The following TYR variants were observed in gnomAD, a reference collection of about 807,000 sequenced individuals.
TYR encodes the protein tyrosinase.
TYR carries 58 observed loss-of-function variants against 51.5 expected under a neutral mutation model. The ratio of observed to expected loss-of-function variants is 1.13; its 90% CI spans 0.91 to 1.40. TYR has a LOEUF of 1.40. TYR is among the 40% of genes most tolerant of loss of function. TYR has a pLI of 0.00. For missense variants in TYR, 732 were observed against 647.4 expected, an observed-to-expected ratio of 1.13 and a Z score of -1.42; for synonymous variants, 263 against 235.2, an observed-to-expected ratio of 1.12 and a Z score of -1.08.
At chr11:89,209,873 G>T (rs1197005153) in intron 2 of TYR, among the ~76,000 whole-genome samples, 1 of 152,170 alleles carries the variant, frequency 6.6e-6, no homozygotes, top group East Asian at 1.9e-4. Flanking sequence ...CAGCTCAGGG[G>T]CCTGTCTGTT....
chr11:89,256,467 A>ATGTG lies in TYR; in HGVS notation c.1185-28290_1185-28287dup, dbSNP rs5793398. Among the ~76,000 whole-genome samples, 6 of 149,590 alleles carry ATGTG rather than the reference A, an allele frequency of 4.0e-5. No individual in the cohort carries two copies. In the South Asian group the frequency reaches 8.4e-4, roughly 21 times the overall value. The stretch of plus-strand genomic sequence containing the variant: ...GAGGTATGTGTGTGTACTTGTGTAT[A>ATGTG]TGTGTGTGTGTGTGTGTGTATATGT... On this transcript the variant is annotated intron_variant, in intron 3 of 4. Transcript: ENST00000263321.
At chr11:89,267,082 C>T (rs1338806607) in intron 3 of TYR, among the ~76,000 whole-genome samples, 1 of 151,756 alleles carries the variant, frequency 6.6e-6, no homozygotes, top group African/African-American at 2.4e-5. Flanking sequence ...TGAAATCTAC[C>T]ACAGTTGGGG....
At chr11:89,259,935 A>G (rs592486) in intron 3 of TYR, among the ~76,000 whole-genome samples, 2,399 of 152,150 alleles carry the variant, frequency 0.016, 64 homozygotes, top group African/African-American at 0.055. Context: ...TAAGAACCAG[A>G]TTGGTTCTTA....
intron 2 of TYR, among the ~76,000 whole-genome samples, chr11:89,201,610 C>T (rs1943599901): frequency 6.6e-6 from 1 of 152,194 alleles, no homozygotes; most frequent in African/African-American, 2.4e-5. Flanking sequence ...ATAATAATTA[C>T]AGTACACTTG....
At chr11:89,246,782 A>G (rs1205993132) in intron 3 of TYR, among the ~76,000 whole-genome samples, 1 of 152,050 alleles carries the variant, frequency 6.6e-6, no homozygotes, top group African/African-American at 2.4e-5. Context: ...GCAGCCCAGA[A>G]ACAGTCCAAC....
intron 3 of TYR, among the ~76,000 whole-genome samples, chr11:89,261,807 A>G (rs1045776595): frequency 2.0e-5 from 3 of 152,114 alleles, no homozygotes; most frequent in Non-Finnish European, 4.4e-5. Flanking sequence ...AGACCATAAA[A>G]CAAGTCTCAA....
chr11:89,295,229 G>C lies in TYR; in HGVS notation c.1453G>C (p.Gly485Arg), dbSNP rs768206729. The C allele has an allele frequency of 6.8e-6, 11 of 1,614,010 alleles. No homozygotes were observed. The South Asian group carries it at 1.2e-4, about 18-fold the overall frequency. ...WSWLLGAAMV[G>R]AVLTALLAGL... ...ATGGCTCCTTGGGGCGGCGATGGTA[G>C]GGGCCGTCCTCACTGCCCTGCTGGC... Residue 485 changes from glycine (G) to arginine (R), a missense_variant, in exon 5 of 5, where the codon GGG becomes CGG. Physicochemically the swap from Gly to Arg is moderately radical, Grantham distance 125. Coordinates refer to ENST00000263321, the MANE Select transcript of TYR (RefSeq NM_000372.5).
intron 3 of TYR, among the ~76,000 whole-genome samples, chr11:89,276,419 G>A (rs1398723622): frequency 1.3e-5 from 2 of 151,836 alleles, no homozygotes; most frequent in African/African-American, 4.8e-5. Context: ...GAACACTAAA[G>A]TGTCAGAGAA....
At chr11:89,237,523 G>T (rs1944133208) in intron 3 of TYR, among the ~76,000 whole-genome samples, 1 of 152,054 alleles carries the variant, frequency 6.6e-6, no homozygotes, top group South Asian at 2.1e-4. Context: ...TTATTTCTGG[G>T]ATGTCTATTC....
At chr11:89,204,128 G>A (rs191024589) in intron 2 of TYR, among the ~76,000 whole-genome samples, 82 of 152,242 alleles carry the variant, frequency 5.4e-4, no homozygotes, top group African/African-American at 1.9e-3. Context: ...CTTCCCTTCT[G>A]GATTGTTGTC....
intron 1 of TYR, among the ~76,000 whole-genome samples, chr11:89,182,481 G>T (rs1420928269): frequency 6.6e-6 from 1 of 152,090 alleles, no homozygotes; most frequent in Admixed American, 6.6e-5. Context: ...CTGCGTGTGT[G>T]CATGCAAAGA....
chr11:89,183,361 C>A (rs1028251327), intron 1 of TYR, among the ~76,000 whole-genome samples: 1 of 151,986 alleles, frequency 6.6e-6, no homozygotes, highest in African/African-American at 2.4e-5. Context: ...TCTACCCCTG[C>A]CATTTAGTAG....
At position 89,213,628 on chromosome 11, in the gene TYR, A is replaced by G. The variant is rs141096599; in HGVS notation, c.1037-14195A>G. Among the ~76,000 whole-genome samples the G allele has an allele frequency of 9.8e-5, 15 of 152,288 alleles. 1 individual carries two copies. The East Asian group carries it at 2.3e-3, about 24-fold the overall frequency. ...GAACCAAAAAGAGCCTGCATATCCA[A>G]GACAATTAATTCTAAGCAAAAAAGA... is the stretch of plus-strand genomic sequence containing the variant. On this transcript the variant is annotated intron_variant, in intron 2 of 4. Transcript: ENST00000263321.
At chr11:89,260,788 A>T (rs2135306884) in intron 3 of TYR, among the ~76,000 whole-genome samples, 1 of 152,286 alleles carries the variant, frequency 6.6e-6, no homozygotes, top group East Asian at 1.9e-4. Context: ...ATAACAGCAT[A>T]AAAATGAGAG....
chr11:89,242,998 G>A (rs1213474451), intron 3 of TYR, among the ~76,000 whole-genome samples: 9 of 152,176 alleles, frequency 5.9e-5, no homozygotes, highest in Admixed American at 2.0e-4. Flanking sequence ...TTGTCAGCGT[G>A]TTGGAAGTAT....
chr11:89,291,989 T>C (rs535474211), intron 4 of TYR, among the ~76,000 whole-genome samples: 9 of 152,188 alleles, frequency 5.9e-5, no homozygotes, highest in Non-Finnish European at 1.2e-4. Flanking sequence ...CCAAATAGTA[T>C]GCTATGATTA....
intron 4 of TYR, among the ~76,000 whole-genome samples, chr11:89,290,037 C>A (rs1381866329): frequency 6.6e-6 from 1 of 151,870 alleles, no homozygotes; most frequent in Non-Finnish European, 1.5e-5. Flanking sequence ...AGTAATGGCC[C>A]CTAACTACTT....
chr11:89,247,501 C>A (rs1251715749), intron 3 of TYR, among the ~76,000 whole-genome samples: 2 of 152,092 alleles, frequency 1.3e-5, no homozygotes, highest in African/African-American at 2.4e-5. Flanking sequence ...AATGTAGCTG[C>A]TCTTTGTAGG....
At chr11:89,266,363 T>C (rs1944525950) in intron 3 of TYR, among the ~76,000 whole-genome samples, 1 of 151,998 alleles carries the variant, frequency 6.6e-6, no homozygotes, top group Non-Finnish European at 1.5e-5. Context: ...ATAGAGAATT[T>C]TGCTTCTTTT....
Sources: gnomAD v4.1 joint callset for allele counts (sites outside exome capture counted in the v4.1 genomes callset) on GRCh38, gnomAD v4.1.1 for gene constraint, MANE v1.5 for transcripts, NCBI Gene and HGNC (gene_info 2026-07-23, HGNC 2026-07-21) for gene names.